TMEM232: variants seen among roughly 807,000 people sequenced by gnomAD.
TMEM232 encodes the protein transmembrane protein 232.
In TMEM232, 80 loss-of-function variants were observed where a neutral mutation model predicts 78.8. The observed-to-expected ratio is 1.01, with a 90% CI of 0.85 to 1.22. TMEM232 has a LOEUF of 1.22. TMEM232 is among the 50% of genes most tolerant of loss of function. TMEM232 has a pLI of 0.00. For synonymous variants in TMEM232, 297 were observed against 254.3 expected (o/e 1.17, Z -1.60); for missense variants, 881 against 742.2 (o/e 1.19, Z -2.17).
intron 12 of TMEM232, among the ~76,000 whole-genome samples, chr5:110,443,778 A>G (rs895736094): frequency 7.2e-5 from 11 of 152,052 alleles, no homozygotes; most frequent in Non-Finnish European, 1.2e-4. Flanking sequence ...TCAGGCCCCA[A>G]TGGCTCTTTA....
At chr5:110,675,544 C>T (rs886582025) in intron 1 of TMEM232, among the ~76,000 whole-genome samples, 6 of 152,168 alleles carry the variant, frequency 3.9e-5, no homozygotes, top group African/African-American at 1.4e-4. Flanking sequence ...GAGCTGTATT[C>T]TGCCAACCAT....
chr5:110,612,943 G>C (rs1009897973), intron 8 of TMEM232, among the ~76,000 whole-genome samples: 3 of 152,150 alleles, frequency 2.0e-5, no homozygotes, highest in Non-Finnish European at 4.4e-5. Context: ...AGCATTGAGA[G>C]TATGAAGCAT....
chr5:110,735,747 G>A (rs1376657621), intron 1 of TMEM232, among the ~76,000 whole-genome samples: 4 of 152,154 alleles, frequency 2.6e-5, no homozygotes, highest in South Asian at 2.1e-4. Context: ...CAGCTGTTAA[G>A]TCATAAGGAC....
At chr5:110,413,303 T>C (rs56278557) in intron 2 of TMEM232, among the ~76,000 whole-genome samples, 5,448 of 152,216 alleles carry the variant, frequency 0.036, 139 homozygotes, top group African/African-American at 0.069. Flanking sequence ...TTTGGACTCC[T>C]GGACTTACAC....
At chr5:110,498,162 C>T (rs916511187) in intron 12 of TMEM232, among the ~76,000 whole-genome samples, 22 of 152,066 alleles carry the variant, frequency 1.4e-4, no homozygotes, top group Middle Eastern at 3.4e-3. Context: ...ATTTATACTC[C>T]CTAATATTAT....
chr5:110,535,987 G>C (rs1355986655), intron 11 of TMEM232, among the ~76,000 whole-genome samples: 1 of 152,188 alleles, frequency 6.6e-6, no homozygotes, highest in Non-Finnish European at 1.5e-5. Context: ...AAGTACCTGT[G>C]GTTGATCCTT....
At chr5:110,667,498 G>A (rs1790746134) in intron 1 of TMEM232, 134 bp from the exon 2 acceptor site, 1 of 628,318 alleles carries the variant, frequency 1.6e-6, no homozygotes, top group Non-Finnish European at 2.5e-6. Context: ...CTATATTAAG[G>A]AAGAATTTAA....
chr5:110,485,190 T>C (rs1052384297), intron 12 of TMEM232, among the ~76,000 whole-genome samples: 1 of 152,006 alleles, frequency 6.6e-6, no homozygotes, highest in Non-Finnish European at 1.5e-5. Flanking sequence ...GATAACAAGA[T>C]AAAACAACCA....
intron 1 of TMEM232, among the ~76,000 whole-genome samples, chr5:110,668,031 G>C (rs1790834251): frequency 6.6e-6 from 1 of 151,926 alleles, no homozygotes; most frequent in South Asian, 2.1e-4. Flanking sequence ...GTAATGAAAT[G>C]GGTAGTCATA....
At chr5:110,613,306 T>G (rs1406195077) in intron 8 of TMEM232, among the ~76,000 whole-genome samples, 1 of 152,124 alleles carries the variant, frequency 6.6e-6, no homozygotes, top group African/African-American at 2.4e-5. Context: ...GGGAGATACA[T>G]GATGAATTAT....
intron 12 of TMEM232, among the ~76,000 whole-genome samples, chr5:110,477,982 A>G (rs1240811227): frequency 1.3e-5 from 2 of 151,966 alleles, no homozygotes; most frequent in Non-Finnish European, 2.9e-5. Flanking sequence ...TGTTCAGTTT[A>G]GAATGAGAGG....
Position 110,453,729 on chromosome 5 carries a change from C to A in TMEM232, c.1704-28813G>T, listed in dbSNP as rs141603578. Among the ~76,000 whole-genome samples, 675 of 152,040 alleles carry A rather than the reference C, an allele frequency of 4.4e-3. 7 individuals are homozygous for A. Among genetic ancestry groups the A allele is most frequent in the African/African-American group, 0.015 (637 of 41,472 alleles). On this transcript the variant is annotated intron_variant, in intron 12 of 13. Coordinates refer to ENST00000455884, the MANE Select transcript of TMEM232 (RefSeq NM_001039763.4). ...ATGCTGCAGACTACTTTGGTATAAA[C>A]CTTGGTTACCTCATCTGAGTTGTCA...
chr5:110,538,379 G>A (rs566687546), intron 11 of TMEM232, among the ~76,000 whole-genome samples: 1 of 152,222 alleles, frequency 6.6e-6, no homozygotes, highest in Non-Finnish European at 1.5e-5. Flanking sequence ...ATTGTGACCT[G>A]GAGGAAGGAA....
chr5:110,413,090 G>C (rs930936066), intron 2 of TMEM232, among the ~76,000 whole-genome samples: 1 of 152,124 alleles, frequency 6.6e-6, no homozygotes, highest in Non-Finnish European at 1.5e-5. Context: ...TGCCAAAGGA[G>C]ATTAACATTT....
intron 1 of TMEM232, among the ~76,000 whole-genome samples, chr5:110,719,160 CGT>C (rs1300931012): frequency 1.3e-5 from 2 of 150,964 alleles, no homozygotes; most frequent in Non-Finnish European, 3.0e-5. Context: ...TACATGACTG[CGT>C]GTGTGTATAT....
In TMEM232 at chr5:110,627,858, C is replaced by A. The variant is rs780401945; in HGVS notation, c.524G>T (p.Arg175Leu). 7.2e-6 allele frequency: 11 copies of A among 1,530,520 alleles called. No individual in the cohort carries two copies. The South Asian group carries it at 1.4e-4, about 19-fold the overall frequency. 94.8% of individuals were successfully genotyped at this position (1,530,520 alleles called of 1,614,324 possible). A position where few individuals can be genotyped will look rare whatever the true frequency, so the allele number is the denominator to read the frequency against. The change falls in exon 6 of 14, where the codon CGA becomes CTA. Residue 175 changes from arginine (R) to leucine (L), a missense_variant. Physicochemically the swap from Arg to Leu is moderately radical, Grantham distance 102 (BLOSUM62 -2). Coordinates refer to ENST00000455884, the MANE Select transcript of TMEM232 (RefSeq NM_001039763.4). ...ACCATGCAGGAAAAATATAAAAAGTCGTAAGAAGACCAAATAGCCAATCTG... is the reference window on the plus strand; with the variant it reads ...ACCATGCAGGAAAAATATAAAAAGTAGTAAGAAGACCAAATAGCCAATCTG... ...LAKIGYLVFL[R>L]LFIFFLHGHL...
chr5:110,435,935 T>G (rs915235103), intron 12 of TMEM232, among the ~76,000 whole-genome samples: 2 of 151,914 alleles, frequency 1.3e-5, no homozygotes, highest in African/African-American at 4.8e-5. Flanking sequence ...TGTAGATAAC[T>G]CTTCTATATA....
At position 110,706,885 on chromosome 5, in the gene TMEM232, T is replaced by C. The variant is rs114176919; in HGVS notation, c.-13+19742A>G. Among the ~76,000 whole-genome samples the C allele has an allele frequency of 5.8e-3, 877 of 152,306 alleles. 5 individuals are homozygous for C. The highest frequency in any genetic ancestry group is 0.02 in the African/African-American group (819 of 41,574). On this transcript the variant is annotated intron_variant, in intron 1 of 13. Transcript: ENST00000455884. ...ACATAGCAGAGGATGGTGTTTCACA[T>C]AGGAATTAAAAAGAGAACAAGGGCA...
At chr5:110,583,074 C>G (rs1778394094) in intron 10 of TMEM232, among the ~76,000 whole-genome samples, 1 of 151,906 alleles carries the variant, frequency 6.6e-6, no homozygotes, top group African/African-American at 2.4e-5. Context: ...AATGTTTACA[C>G]TACCTAACGT....
Sources: allele counts gnomAD v4.1 joint callset (sites outside exome capture counted in the v4.1 genomes callset), GRCh38; gene constraint gnomAD v4.1.1; transcripts MANE v1.5; gene names NCBI Gene and HGNC (gene_info 2026-07-23, HGNC 2026-07-21).